NAXE: variants seen among roughly 807,000 people sequenced by gnomAD.
The protein encoded by NAXE is NAD(P)HX epimerase.
In NAXE, 25 loss-of-function variants were observed where a neutral mutation model predicts 31.2. That is an observed-to-expected ratio of 0.80 (90% CI 0.58 to 1.12). NAXE has a LOEUF of 1.12. NAXE is among the 50% of genes most tolerant of loss of function. NAXE has a pLI of 0.00. For missense variants in NAXE, 362 were observed against 376.1 expected (o/e 0.96, Z 0.31); for synonymous variants, 144 against 154.5 (o/e 0.93, Z 0.50).
Position 156,593,995 on chromosome 1 carries a change from G to C in NAXE, c.778G>C (p.Gly260Arg). ...QFTGRYHYLG[G>R]RFVPPALEKK... ...TACCGGTCGCTACCATTACCTGGGGGGTCGTTTTGTGCCACCTGCTCTGGA... is the reference window on the plus strand; with the variant it reads ...TACCGGTCGCTACCATTACCTGGGGCGTCGTTTTGTGCCACCTGCTCTGGA... The change falls in exon 6 of 6, where the codon GGT becomes CGT. Residue 260 changes from glycine (G) to arginine (R), a missense_variant. Transcript: ENST00000368235. 1 of 1,614,170 alleles carries C rather than the reference G, an allele frequency of 6.2e-7. No individual in the cohort carries two copies. Among genetic ancestry groups the C allele is most frequent in the Non-Finnish European group, 8.5e-7 (1 of 1,180,028 alleles).
chr1:156,593,732 A>T, intron 5 of NAXE, 150 bp from the exon 6 acceptor site: 1 of 1,308,652 alleles, frequency 7.6e-7, no homozygotes, highest in Non-Finnish European at 1.1e-6. Flanking sequence ...CCATGAAGAG[A>T]CCACGGCCCA....
At position 156,591,825 on chromosome 1, in the gene NAXE, G is replaced by A. The variant is rs1379503859; in HGVS notation, c.21G>A (p.Leu7=). ...GCTGGATGTCCAGGCTGCGGGCGCT[G>A]CTGGGCCTCGGGCTGCTGGTTGCGG... The part of the protein sequence containing the change: MSRLRA[L]LGLGLLVAGS... Residue 7 remains leucine, a synonymous_variant, in exon 1 of 6, where the codon CTG becomes CTA. Transcript: ENST00000368235. 43 of 1,604,908 alleles carry A rather than the reference G, an allele frequency of 2.7e-5. No homozygotes were observed. Among genetic ancestry groups the A allele is most frequent in the Non-Finnish European group, 3.6e-5 (43 of 1,178,318 alleles).
rs1042566856 is a variant in NAXE, at chr1:156,591,910, T to TG, written c.110dup (p.Pro38ThrfsTer37). On this transcript the variant is annotated frameshift_variant, in exon 1 of 6. Coordinates refer to ENST00000368235, the MANE Select transcript of NAXE (RefSeq NM_144772.3). LOFTEE classifies it high-confidence loss of function. ...CGCCTGTCGCTCGGGACCCACCTGG[T>TG]GGGGACCGCAGCGGCTGAACTCGGG... is the stretch of plus-strand genomic sequence containing the variant. The TG allele has an allele frequency of 3.5e-5, 57 of 1,612,228 alleles. No individual in the cohort carries two copies. The highest frequency in any genetic ancestry group is 4.7e-5 in the Non-Finnish European group (56 of 1,179,604).
rs150854301 is a variant in NAXE at position 156,593,393 on chromosome 1, C to T, written c.517-15C>T. ...CAGCTGCTGGCTCTGACATCCTTTT[C>T]CTGCTCCACCACAGCCCATGACGAT... On this transcript the variant is annotated splice_polypyrimidine_tract_variant and intron_variant, in intron 4 of 5. Transcript: ENST00000368235. 3.4e-4 allele frequency: 547 copies of T among 1,608,432 alleles called. 1 individual carries two copies. Among genetic ancestry groups the T allele is most frequent in the Middle Eastern group, 1.7e-3 (10 of 5,868 alleles).
Sources: gnomAD v4.1 joint callset for allele counts on GRCh38, gnomAD v4.1.1 for gene constraint, MANE v1.5 for transcripts, NCBI Gene and HGNC (gene_info 2026-07-23, HGNC 2026-07-21) for gene names.